Variants in CEP112 observed in about 807,000 individuals in gnomAD.
CEP112 encodes centrosomal protein 112, also known as centrosomal protein of 112 kDa.
Under a neutral mutation model 153.0 loss-of-function variants are expected in CEP112, and 127 were observed. That is an observed-to-expected ratio of 0.83 (90% CI 0.72 to 0.96). The LOEUF is 0.96. Among genes scored for constraint, CEP112 ranks in the 40% least tolerant of loss-of-function variants. The probability of loss-of-function intolerance (pLI) is 0.00; values close to 1 mark genes in which losing one functional copy is unlikely to be tolerated. For synonymous variants in CEP112, 358 were observed against 374.4 expected, an observed-to-expected ratio of 0.96 and a Z score of 0.51; for missense variants, 1,089 against 1,101.2, an observed-to-expected ratio of 0.99 and a Z score of 0.16.
chr17:65,826,146 C>G (rs1250800026), intron 21 of CEP112: 1 of 1,613,936 alleles, frequency 6.2e-7, no homozygotes, highest in East Asian at 2.2e-5. Context: ...ACCTTCTTCT[C>G]TTTGAGGTTA....
intron 6 of CEP112, among the ~76,000 whole-genome samples, chr17:66,116,135 T>TTTG (rs2069279678): frequency 6.6e-6 from 1 of 152,208 alleles, no homozygotes; most frequent in South Asian, 2.1e-4. Context: ...GAAAAAGTAT[T>TTTG]TACCAACTTT....
At chr17:66,170,116 AG>A (rs2072182317) in intron 4 of CEP112, among the ~76,000 whole-genome samples, 1 of 152,246 alleles carries the variant, frequency 6.6e-6, no homozygotes, top group African/African-American at 2.4e-5. Context: ...GGCAAGATGA[AG>A]TAATGTAATC....
At chr17:66,134,313 T>C (rs1479504223) in intron 4 of CEP112, among the ~76,000 whole-genome samples, 1 of 152,202 alleles carries the variant, frequency 6.6e-6, no homozygotes, top group South Asian at 2.1e-4. Context: ...CCAACCTCTT[T>C]ACCCTCACGA....
chr17:65,738,159 CTG>C (rs963960692), intron 23 of CEP112, among the ~76,000 whole-genome samples: 1 of 152,124 alleles, frequency 6.6e-6, no homozygotes, highest in African/African-American at 2.4e-5. Context: ...AAAGTAAAAA[CTG>C]TGGGAATGGC....
chr17:66,082,560 C>T (rs992356267), intron 8 of CEP112, among the ~76,000 whole-genome samples: 3 of 152,048 alleles, frequency 2.0e-5, no homozygotes, highest in East Asian at 1.9e-4. Context: ...GTCAGGAGTT[C>T]GAGACCAGCC....
chr17:66,001,857 A>G (rs1251052768), intron 17 of CEP112, among the ~76,000 whole-genome samples: 1 of 152,112 alleles, frequency 6.6e-6, no homozygotes, highest in Non-Finnish European at 1.5e-5. Context: ...ATATGCTTTA[A>G]TTACTTATCT....
chr17:65,834,521 T>C (rs564832538), intron 21 of CEP112, among the ~76,000 whole-genome samples: 119 of 151,962 alleles, frequency 7.8e-4, no homozygotes, highest in African/African-American at 2.7e-3. Flanking sequence ...AACTACCCCA[T>C]TAAAAAGTTG....
At chr17:65,873,996 A>G (rs1474722797) in intron 20 of CEP112, among the ~76,000 whole-genome samples, 1 of 152,212 alleles carries the variant, frequency 6.6e-6, no homozygotes, top group Non-Finnish European at 1.5e-5. Context: ...AATACAAACC[A>G]CATCAGTTAA....
intron 19 of CEP112, among the ~76,000 whole-genome samples, chr17:65,907,497 G>A (rs1313831034): frequency 1.3e-5 from 2 of 152,034 alleles, no homozygotes; most frequent in East Asian, 3.9e-4. Context: ...AGAGAATAAG[G>A]AGGATAATTT....
At chr17:66,069,828 G>T in intron 9 of CEP112, 87 bp downstream of exon 9, 1 of 701,610 alleles carries the variant, frequency 1.4e-6, no homozygotes, top group Non-Finnish European at 2.4e-6. Flanking sequence ...ATGGTTGGAA[G>T]AATGGATGGA....
At chr17:65,659,189 C>T (rs564531389) in intron 24 of CEP112, among the ~76,000 whole-genome samples, 1 of 152,106 alleles carries the variant, frequency 6.6e-6, no homozygotes, top group East Asian at 1.9e-4. Context: ...TGTTGATAAA[C>T]ATATAGTTTC....
At chr17:65,819,676 A>G (rs2056434802) in intron 21 of CEP112, among the ~76,000 whole-genome samples, 1 of 152,068 alleles carries the variant, frequency 6.6e-6, no homozygotes, top group Admixed American at 6.6e-5. Flanking sequence ...GAAAGGCACA[A>G]TATCACTTCT....
intron 21 of CEP112, among the ~76,000 whole-genome samples, chr17:65,757,125 G>A (rs1051979140): frequency 6.6e-6 from 1 of 152,126 alleles, no homozygotes; most frequent in Non-Finnish European, 1.5e-5. Context: ...GTAGCAAGAG[G>A]CCTCAGGAAA....
chr17:66,032,949 A>T (rs1370428357), intron 12 of CEP112, among the ~76,000 whole-genome samples: 1 of 152,230 alleles, frequency 6.6e-6, no homozygotes, highest in Non-Finnish European at 1.5e-5. Flanking sequence ...GTGGCATGCA[A>T]ATAACATCGC....
intron 20 of CEP112, among the ~76,000 whole-genome samples, chr17:65,857,075 C>T (rs1046388007): frequency 2.6e-4 from 40 of 152,156 alleles, no homozygotes; most frequent in African/African-American, 9.7e-4. Flanking sequence ...GGTTGGTTTC[C>T]CAGTGCATAT....
intron 23 of CEP112, among the ~76,000 whole-genome samples, chr17:65,716,169 T>G (rs2049500697): frequency 6.6e-6 from 1 of 151,206 alleles, no homozygotes; most frequent in Non-Finnish European, 1.5e-5. Context: ...TTTTTTTTTG[T>G]TTTTTGAGAC....
At chr17:65,902,574 G>A (rs1310501446) in intron 19 of CEP112, among the ~76,000 whole-genome samples, 1 of 151,652 alleles carries the variant, frequency 6.6e-6, no homozygotes, top group African/African-American at 2.4e-5. Context: ...ACAAATGTCT[G>A]AACATTGAAA....
In CEP112 at chr17:65,698,956, C is replaced by T. The variant is rs116802561; in HGVS notation, c.2608-9738G>A. Among the ~76,000 whole-genome samples, 388 of 152,310 alleles carry T rather than the reference C, an allele frequency of 2.5e-3. 2 individuals are homozygous for T. Among genetic ancestry groups the T allele is most frequent in the African/African-American group, 9.1e-3 (378 of 41,558 alleles). On this transcript the variant is annotated intron_variant, in intron 23 of 26. Transcript: ENST00000535342. ...CGATTTTCTTACAAAGACTAATTCA[C>T]ACATGCCGTCCCCTGAACCTGCAGT...
chr17:65,684,250 C>G (rs2047675730), intron 24 of CEP112, among the ~76,000 whole-genome samples: 1 of 152,220 alleles, frequency 6.6e-6, no homozygotes, highest in Non-Finnish European at 1.5e-5. Flanking sequence ...AAGACTGAGT[C>G]TCCTGTGAAA....
Sources: allele counts gnomAD v4.1 joint callset (sites outside exome capture counted in the v4.1 genomes callset), GRCh38; gene constraint gnomAD v4.1.1; transcripts MANE v1.5; gene names NCBI Gene and HGNC (gene_info 2026-07-23, HGNC 2026-07-21).